Variants in VTI1A observed in about 807,000 individuals in gnomAD.
VTI1A encodes vesicle transport through interaction with t-SNAREs 1A, also known as vesicle transport through interaction with t-SNAREs homolog 1A.
VTI1A carries 22 observed loss-of-function variants against 34.9 expected under a neutral mutation model. The ratio of observed to expected loss-of-function variants is 0.63; its 90% CI spans 0.45 to 0.90. The LOEUF is 0.90. VTI1A is among the 40% of genes least tolerant of loss of function. The probability of loss-of-function intolerance (pLI) is 0.00; values close to 1 mark genes in which losing one functional copy is unlikely to be tolerated. For synonymous variants in VTI1A, 87 were observed against 97.3 expected (o/e 0.89, Z 0.62); for missense variants, 268 against 275.6 (o/e 0.97, Z 0.20).
chr10:112,504,089 C>G (rs1849335931), intron 3 of VTI1A, among the ~76,000 whole-genome samples: 1 of 152,150 alleles, frequency 6.6e-6, no homozygotes, highest in South Asian at 2.1e-4. Flanking sequence ...AAAAGTTGTT[C>G]TAAAAATACA....
At chr10:112,823,942 G>A in the VTI1A span, 1 of 152,288 alleles carries the variant, frequency 6.6e-6, no homozygotes, top group African/African-American at 2.4e-5. Context: ...GGGAAATGGG[G>A]GCTCAGAGAG....
At chr10:112,683,051 G>A (rs915685067) in intron 7 of VTI1A, among the ~76,000 whole-genome samples, 1 of 152,190 alleles carries the variant, frequency 6.6e-6, no homozygotes, top group Admixed American at 6.5e-5. Context: ...GGCTCTGGCT[G>A]GATTTCCACA....
intron 7 of VTI1A, among the ~76,000 whole-genome samples, chr10:112,691,085 C>G (rs1848597239): frequency 6.6e-6 from 1 of 151,812 alleles, no homozygotes; most frequent in African/African-American, 2.4e-5. Flanking sequence ...CTGGCGAAAC[C>G]CCGTCTCTAC....
intron 5 of VTI1A, among the ~76,000 whole-genome samples, chr10:112,581,455 GTTAC>G (rs374891138): frequency 7.3e-4 from 111 of 152,332 alleles, no homozygotes; most frequent in Non-Finnish European, 1.5e-3. Flanking sequence ...CCTTGTGTAA[GTTAC>G]TTAGGCTTTC....
rs369946950 is a variant in VTI1A, at chr10:112,533,448, T to C, written c.343-4798T>C. 2,289 of 873,394 alleles carry C rather than the reference T, an allele frequency of 2.6e-3. 6 individuals are homozygous for C. The highest frequency in any genetic ancestry group is 0.011 in the South Asian group (208 of 18,788). The allele number at this position is 873,394 out of a possible 1,614,324, so 54.1% of individuals were successfully genotyped here. ...TAAACAGATAAATTGTCAATGTTAA[T>C]TCTGTATCCTGTCAGACAACTGATC... On this transcript the variant is annotated intron_variant, in intron 4 of 7. Transcript: ENST00000393077.
chr10:112,539,119 T>C (rs1362980195), intron 5 of VTI1A, among the ~76,000 whole-genome samples: 1 of 152,246 alleles, frequency 6.6e-6, no homozygotes, highest in East Asian at 1.9e-4. Flanking sequence ...CTCTACGCTT[T>C]TTATTTTGTT....
At chr10:112,846,466 A>G in the VTI1A span, among the ~76,000 whole-genome samples, 1 of 152,188 alleles carries the variant, frequency 6.6e-6, no homozygotes, top group Non-Finnish European at 1.5e-5. Flanking sequence ...GCAACTGAGC[A>G]TTTGAAATAT....
At chr10:112,722,916 AT>A (rs1453692088) in intron 7 of VTI1A, among the ~76,000 whole-genome samples, 14 of 152,178 alleles carry the variant, frequency 9.2e-5, no homozygotes, top group Non-Finnish European at 2.1e-4. Context: ...TAGCATTTCT[AT>A]TATCAATTCA....
At chr10:112,591,032 C>T (rs1398333524) in intron 5 of VTI1A, among the ~76,000 whole-genome samples, 2 of 152,094 alleles carry the variant, frequency 1.3e-5, no homozygotes, top group African/African-American at 4.8e-5. Flanking sequence ...ACGCAGGAGG[C>T]AGAGGTTGCA....
intron 5 of VTI1A, among the ~76,000 whole-genome samples, chr10:112,660,905 A>G (rs1252790677): frequency 6.6e-6 from 1 of 152,234 alleles, no homozygotes; most frequent in Non-Finnish European, 1.5e-5. Flanking sequence ...TCACTTCTGC[A>G]TGTTATCACT....
intron 7 of VTI1A, among the ~76,000 whole-genome samples, chr10:112,791,712 T>C (rs995461515): frequency 2.0e-5 from 3 of 152,146 alleles, no homozygotes; most frequent in Non-Finnish European, 4.4e-5. Flanking sequence ...GGCAGCCTCC[T>C]TTTTTCTTCC....
chr10:112,611,248 G>T (rs982513001), intron 5 of VTI1A, among the ~76,000 whole-genome samples: 2 of 152,150 alleles, frequency 1.3e-5, no homozygotes, highest in Non-Finnish European at 2.9e-5. Context: ...TTGTCTCATT[G>T]GACCTAGGTA....
At chr10:112,692,871 C>G (rs2133883399) in intron 7 of VTI1A, among the ~76,000 whole-genome samples, 1 of 152,340 alleles carries the variant, frequency 6.6e-6, no homozygotes, top group East Asian at 1.9e-4. Context: ...TGCCCATCTC[C>G]CCACCAGACA....
At chr10:112,853,811 G>A in the VTI1A span, among the ~76,000 whole-genome samples, 2 of 152,032 alleles carry the variant, frequency 1.3e-5, no homozygotes, top group African/African-American at 4.8e-5. Context: ...AAAAGCTCTG[G>A]CCCAAGCTTC....
chr10:112,571,723 C>T (rs1473222299), intron 5 of VTI1A, among the ~76,000 whole-genome samples: 1 of 152,000 alleles, frequency 6.6e-6, no homozygotes, highest in Non-Finnish European at 1.5e-5. Flanking sequence ...ATAGCAAAAA[C>T]ATGAAATCAA....
intron 5 of VTI1A, among the ~76,000 whole-genome samples, chr10:112,595,148 A>G (rs910681187): frequency 6.9e-6 from 1 of 145,374 alleles, no homozygotes; most frequent in African/African-American, 2.6e-5. Context: ...TACACCTTAT[A>G]CAAAAATCAA....
At chr10:112,616,935 A>G (rs1456581436) in intron 5 of VTI1A, among the ~76,000 whole-genome samples, 1 of 152,220 alleles carries the variant, frequency 6.6e-6, no homozygotes, top group East Asian at 1.9e-4. Context: ...GCATACCAAA[A>G]AGACATCAAA....
chr10:112,750,123 T>A (rs1851049589), intron 7 of VTI1A, among the ~76,000 whole-genome samples: 2 of 152,160 alleles, frequency 1.3e-5, no homozygotes. Context: ...CAGCCTTCCA[T>A]GGGATTAAAT....
intron 7 of VTI1A, among the ~76,000 whole-genome samples, chr10:112,808,624 C>CAAAAAAA (rs760656671): frequency 3.4e-5 from 2 of 59,590 alleles, no homozygotes; most frequent in African/African-American, 6.4e-5. Context: ...GACTCCATCT[C>CAAAAAAA]AAAAAAAAAA....
Sources: gnomAD v4.1 joint callset for allele counts (sites outside exome capture counted in the v4.1 genomes callset) on GRCh38, gnomAD v4.1.1 for gene constraint, MANE v1.5 for transcripts, NCBI Gene and HGNC (gene_info 2026-07-23, HGNC 2026-07-21) for gene names.